LGALS8: variants seen among roughly 807,000 people sequenced by gnomAD.
The protein encoded by LGALS8 is galectin-8.
Under a neutral mutation model 35.9 loss-of-function variants are expected in LGALS8, and 30 were observed. The ratio of observed to expected loss-of-function variants is 0.83; its 90% CI spans 0.62 to 1.13. The LOEUF is 1.13. Ranked by LOEUF, LGALS8 falls within the 50% of genes most tolerant of loss-of-function variation. The pLI is 0.00. For missense variants in LGALS8, 366 were observed against 388.7 expected (o/e 0.94, Z 0.49); for synonymous variants, 138 against 136.1 (o/e 1.01, Z -0.10).
chr1:236,544,007 C>T (rs986045564), intron 8 of LGALS8, among the ~76,000 whole-genome samples: 5 of 151,822 alleles, frequency 3.3e-5, no homozygotes, highest in Admixed American at 1.3e-4. Flanking sequence ...TGCAGTGTCA[C>T]AATCCCAGCA....
At chr1:236,523,182 A>C (rs1660606059), upstream of LGALS8, 1 of 152,152 alleles carries the variant, frequency 6.6e-6, no homozygotes, top group Non-Finnish European at 1.5e-5. Context: ...TCGGGTATTT[A>C]AGAGCATCTA....
At chr1:236,542,098 C>G (rs1169625501) in intron 6 of LGALS8, among the ~76,000 whole-genome samples, 1 of 152,194 alleles carries the variant, frequency 6.6e-6, no homozygotes, top group East Asian at 1.9e-4. Context: ...AAAGTGAGGT[C>G]TTACCGACTG....
intron 2 of LGALS8, among the ~76,000 whole-genome samples, chr1:236,532,783 G>A (rs1661221217): frequency 6.6e-6 from 1 of 152,212 alleles, no homozygotes; most frequent in Admixed American, 6.5e-5. Flanking sequence ...GGCGGAGATT[G>A]CAGTAAGCCG....
upstream of LGALS8, among the ~76,000 whole-genome samples, chr1:236,519,948 ATTT>A (rs35589317): frequency 0.2 from 22,019 of 108,850 alleles, 2,415 homozygotes; most frequent in African/African-American, 0.33. Context: ...GTTTTGTACA[ATTT>A]TTTTTTTTTT....
At chr1:236,533,310 C>A (rs965617518) in intron 2 of LGALS8, among the ~76,000 whole-genome samples, 1 of 151,360 alleles carries the variant, frequency 6.6e-6, no homozygotes, top group East Asian at 1.9e-4. Flanking sequence ...TGAAGCATTT[C>A]TTTGACTCTT....
At chr1:236,521,722 G>A (rs757541651), upstream of LGALS8, among the ~76,000 whole-genome samples, 9 of 151,982 alleles carry the variant, frequency 5.9e-5, no homozygotes, top group Non-Finnish European at 7.4e-5. Flanking sequence ...CAGCTACTCA[G>A]GAGGCTGAGG....
intron 4 of LGALS8, among the ~76,000 whole-genome samples, chr1:236,539,726 C>T (rs1422038270): frequency 6.6e-6 from 1 of 152,358 alleles, no homozygotes; most frequent in Non-Finnish European, 1.5e-5. Flanking sequence ...CCTTTCTGAT[C>T]TTCGGGATAC....
chr1:236,524,169 A>G (rs1434476969), intron 1 of LGALS8, 108 bp downstream of exon 1: 1 of 456,374 alleles, frequency 2.2e-6, no homozygotes, highest in Non-Finnish European at 4.4e-6. Flanking sequence ...CGGCTCCTAA[A>G]TCACCATTTG....
Position 236,550,825 on chromosome 1 carries a change from G to A in LGALS8, c.*2664G>A. The stretch of plus-strand genomic sequence containing the variant: ...TGTATTAAGGCACCAAAAGTAACAT[G>A]GCACCCAACACCCAAAAATAAAAAT... On this transcript the variant is annotated 3_prime_UTR_variant, in exon 10 of 10. Coordinates refer to ENST00000366584, the MANE Select transcript of LGALS8 (RefSeq NM_201544.4). 1 of 1,112,524 alleles carries A rather than the reference G, an allele frequency of 9.0e-7. No individual in the cohort carries two copies. Among genetic ancestry groups the A allele is most frequent in the East Asian group, 2.4e-5 (1 of 41,334 alleles). The allele number at this position is 1,112,524 out of a possible 1,614,324, so 68.9% of individuals were successfully genotyped here.
chr1:236,544,600 A>C, intron 8 of LGALS8, 150 bp from the exon 9 acceptor site: 1 of 509,620 alleles, frequency 2.0e-6, no homozygotes, highest in African/African-American at 1.9e-5. Flanking sequence ...TAAAATTTCA[A>C]CTTCACCTGC....
intron 2 of LGALS8, among the ~76,000 whole-genome samples, chr1:236,530,615 C>G (rs1661091781): frequency 6.6e-6 from 1 of 152,166 alleles, no homozygotes; most frequent in South Asian, 2.1e-4. Flanking sequence ...GAGTTCAAAA[C>G]CAAACTTGCA....
At chr1:236,527,778 C>T (rs992660709) in intron 2 of LGALS8, among the ~76,000 whole-genome samples, 2 of 151,996 alleles carry the variant, frequency 1.3e-5, no homozygotes, top group Admixed American at 6.6e-5. Context: ...TCTGGTCACC[C>T]AGGCTGGAGT....
At chr1:236,520,598 C>T (rs991446522), upstream of LGALS8, among the ~76,000 whole-genome samples, 1 of 152,204 alleles carries the variant, frequency 6.6e-6, no homozygotes, top group African/African-American at 2.4e-5. Context: ...TTACTTCCGT[C>T]CTCCTTGGCC....
At chr1:236,524,712 T>C (rs1414539491) in intron 1 of LGALS8, 5 of 313,378 alleles carry the variant, frequency 1.6e-5, no homozygotes, top group East Asian at 8.1e-5. Flanking sequence ...ATGGCTTAAA[T>C]TGGGTCACTG....
intron 8 of LGALS8, 115 bp from the exon 9 acceptor site, chr1:236,544,635 G>A: frequency 1.4e-6 from 1 of 695,808 alleles, no homozygotes; most frequent in Non-Finnish European, 2.2e-6. Context: ...GTGGATACGT[G>A]TGTTTCATAG....
At chr1:236,523,790 A>C (rs1660635335), upstream of LGALS8, 1 of 343,968 alleles carries the variant, frequency 2.9e-6, no homozygotes, top group Non-Finnish European at 5.7e-6. Flanking sequence ...AAGGCTCCAG[A>C]GGCTGTGCAG....
rs187119597 is a variant in LGALS8 at position 236,548,972 on chromosome 1, C to T, written c.*811C>T. 1,313 of 398,536 alleles carry T rather than the reference C, an allele frequency of 3.3e-3. 2 individuals carry two copies. Among genetic ancestry groups the T allele is most frequent in the South Asian group, 0.013 (104 of 7,842 alleles). The allele number at this position is 398,536 out of a possible 1,614,324, so 24.7% of individuals were successfully genotyped here. On this transcript the variant is annotated 3_prime_UTR_variant, in exon 10 of 10. Coordinates refer to ENST00000366584, the MANE Select transcript of LGALS8 (RefSeq NM_201544.4). ...GGGCAAATCAGAGTCTACACAGACGCCTACAGAAAGTTTCAGGAAGAGGCA... is the reference window on the plus strand; with the variant it reads ...GGGCAAATCAGAGTCTACACAGACGTCTACAGAAAGTTTCAGGAAGAGGCA...
At chr1:236,545,433 C>T (rs1350130811) in intron 9 of LGALS8, among the ~76,000 whole-genome samples, 1 of 152,208 alleles carries the variant, frequency 6.6e-6, no homozygotes, top group Non-Finnish European at 1.5e-5. Context: ...GTAACACATA[C>T]CTTTCCCGAA....
rs1285781569 is a variant in LGALS8 at position 236,551,818 on chromosome 1, A to G, written c.*3657A>G. ...GGTCACTTCGCAACTTGCTCCCTCC[A>G]CCCAACTCAAAACAGGAGCTCGAGC... On this transcript the variant is annotated 3_prime_UTR_variant, in exon 10 of 10. Coordinates refer to ENST00000366584, the MANE Select transcript of LGALS8 (RefSeq NM_201544.4). The G allele has an allele frequency of 1.8e-6, 1 of 560,286 alleles. No individual in the cohort carries two copies. Among genetic ancestry groups the G allele is most frequent in the Non-Finnish European group, 3.2e-6 (1 of 315,290 alleles). The allele number at this position is 560,286 out of a possible 1,614,324, so 34.7% of individuals were successfully genotyped here.
Sources: allele counts gnomAD v4.1 joint callset (sites outside exome capture counted in the v4.1 genomes callset), GRCh38; gene constraint gnomAD v4.1.1; transcripts MANE v1.5; gene names NCBI Gene and HGNC (gene_info 2026-07-23, HGNC 2026-07-21).